The following RIN3 variants were observed in gnomAD, a reference collection of about 807,000 sequenced individuals.
The protein encoded by RIN3 is RAB5 interacting protein 3.
Under a neutral mutation model 76.3 loss-of-function variants are expected in RIN3, and 54 were observed. The observed-to-expected ratio is 0.71, with a 90% CI of 0.57 to 0.89. The LOEUF is 0.89. RIN3 is among the 40% of genes least tolerant of loss of function. The probability of loss-of-function intolerance (pLI) is 0.00; values close to 1 mark genes in which losing one functional copy is unlikely to be tolerated. For synonymous variants in RIN3, 576 were observed against 564.0 expected (o/e 1.02, Z -0.30); for missense variants, 1,256 against 1,322.1 (o/e 0.95, Z 0.78).
intron 1 of RIN3, among the ~76,000 whole-genome samples, chr14:92,553,598 C>G (rs1897495522): frequency 6.6e-6 from 1 of 152,108 alleles, no homozygotes; most frequent in Non-Finnish European, 1.5e-5. Context: ...TCATATTTTC[C>G]TGGTGACCTG....
At chr14:92,615,171 G>T (rs1040004622) in intron 3 of RIN3, among the ~76,000 whole-genome samples, 1 of 152,044 alleles carries the variant, frequency 6.6e-6, no homozygotes, top group Non-Finnish European at 1.5e-5. Context: ...GCTCGAAAAT[G>T]GACTAATACA....
Position 92,659,487 on chromosome 14 carries a change from A to T in RIN3, c.2335+18A>T, listed in dbSNP as rs1595492247. ...CAACCCAGGTCAGTGGGCAGCCGGG[A>T]GGGGTCTGGGTGAGGAGCTCTCTTT... is the stretch of plus-strand genomic sequence containing the variant. On this transcript the variant is annotated intron_variant, in intron 7 of 9. Transcript: ENST00000216487. 3.2e-6 allele frequency: 5 copies of T among 1,579,298 alleles called. No homozygotes were observed. The highest frequency in any genetic ancestry group is 4.3e-6 in the Non-Finnish European group (5 of 1,163,762).
chr14:92,557,241 A>G (rs2140036743), intron 2 of RIN3, among the ~76,000 whole-genome samples: 1 of 152,342 alleles, frequency 6.6e-6, no homozygotes, highest in South Asian at 2.1e-4. Flanking sequence ...AGGTGTTGCC[A>G]CCTTGCCCAT....
chr14:92,678,730 C>A (rs924881861), intron 8 of RIN3, among the ~76,000 whole-genome samples: 2 of 152,188 alleles, frequency 1.3e-5, no homozygotes, highest in Non-Finnish European at 2.9e-5. Context: ...ACCCATTTAT[C>A]CATGCCAAAC....
intron 1 of RIN3, among the ~76,000 whole-genome samples, chr14:92,540,777 G>A (rs974475924): frequency 6.6e-6 from 1 of 152,192 alleles, no homozygotes; most frequent in Non-Finnish European, 1.5e-5. Flanking sequence ...AGCCTGGCTT[G>A]GAAGAGAAGC....
rs923433564 is a variant in RIN3 at position 92,568,446 on chromosome 14, C to T, written c.250-8914C>T. The stretch of plus-strand genomic sequence containing the variant: ...CTAAAATGTTCTTCAGGCATCACTG[C>T]GGCACAGTGATGCTGTTTTTGAGGT... On this transcript the variant is annotated intron_variant, in intron 2 of 9. Transcript: ENST00000216487. The surrounding 1 kb of genome is among the most constrained non-coding windows in gnomAD (Gnocchi z 4.2). Among the ~76,000 whole-genome samples the T allele has an allele frequency of 7.9e-5, 12 of 152,352 alleles. No homozygotes were observed. The highest frequency in any genetic ancestry group is 2.0e-4 in the Admixed American group (3 of 15,310).
Position 92,653,043 on chromosome 14 carries a change from T to A in RIN3, c.1994T>A (p.Val665Glu). ...LLQSTELKALVDPALHSEEEL... is the reference protein window; with the variant it reads ...LLQSTELKALEDPALHSEEEL... ...CAGAGCACCGAGCTCAAGGCCCTGG[T>A]GGACCCCGCCCTGCACTCCGAGGAG... The change falls in exon 6 of 10, where the codon GTG becomes GAG. Residue 665 changes from valine to glutamate, a missense_variant. By Grantham distance (121) the Val-to-Glu change is moderately radical. Coordinates refer to ENST00000216487, the MANE Select transcript of RIN3 (RefSeq NM_024832.5). 1 of 1,608,066 alleles carries A rather than the reference T, an allele frequency of 6.2e-7. No homozygotes were observed. The highest frequency in any genetic ancestry group is 1.1e-5 in the South Asian group (1 of 91,078).
Position 92,665,540 on chromosome 14 carries a change from G to A in RIN3, c.2335+6071G>A, listed in dbSNP as rs535204556. On this transcript the variant is annotated intron_variant, in intron 7 of 9. Coordinates refer to ENST00000216487, the MANE Select transcript of RIN3 (RefSeq NM_024832.5). Reference sequence around the variant, plus strand: ...ACTACAGGTGCCCACCACCATGCCCGGCTAATTTTTTTTCGTATTTTTAGT... The same window carrying A: ...ACTACAGGTGCCCACCACCATGCCCAGCTAATTTTTTTTCGTATTTTTAGT... Among the ~76,000 whole-genome samples, 7 of 151,814 alleles carry A rather than the reference G, an allele frequency of 4.6e-5. No homozygotes were observed. The East Asian group carries it at 7.7e-4, about 17-fold the overall frequency.
In RIN3 at chr14:92,659,378, C is replaced by G; in HGVS notation, c.2244C>G (p.Ser748Arg). 1 of 1,613,374 alleles carries G rather than the reference C, an allele frequency of 6.2e-7. No homozygotes were observed. Among genetic ancestry groups the G allele is most frequent in the East Asian group, 2.2e-5 (1 of 44,886 alleles). The change falls in exon 7 of 10, where the codon AGC (serine) becomes AGG (arginine). Residue 748 changes from serine to arginine, a missense_variant. Transcript: ENST00000216487. ...AGAAGATCCTGCAGAAGTTCACCAG[C>G]ATGCACAAGGCCTACTCACCTGAGA... ...MMEKILQKFT[S>R]MHKAYSPEKK...
chr14:92,560,063 G>A lies in RIN3; in HGVS notation c.249+4108G>A, dbSNP rs767632854. On this transcript the variant is annotated intron_variant, in intron 2 of 9. Transcript: ENST00000216487. ...GCCTGTGGCAAGAGGCAAAGGCCAC[G>A]GGGCTTAGTTCATTTTCAAGGTGAG... 5.3e-5 allele frequency among the ~76,000 whole-genome samples: 8 copies of A among 152,214 alleles called. No homozygotes were observed. The East Asian group carries it at 5.8e-4, about 11-fold the overall frequency.
At chr14:92,556,675 T>C (rs1157131275) in intron 2 of RIN3, among the ~76,000 whole-genome samples, 3 of 152,188 alleles carry the variant, frequency 2.0e-5, no homozygotes, top group Non-Finnish European at 2.9e-5. Flanking sequence ...CATCATATGT[T>C]CCTTTCACCT....
intron 7 of RIN3, among the ~76,000 whole-genome samples, chr14:92,665,828 A>G (rs1888077198): frequency 6.6e-6 from 1 of 151,466 alleles, no homozygotes; most frequent in Non-Finnish European, 1.5e-5. Flanking sequence ...GCCAGATCCC[A>G]ACTGACTTCA....
chr14:92,537,634 C>CTTTTTTTTTTTTCTTTTT (rs1897030481), intron 1 of RIN3, among the ~76,000 whole-genome samples: 1 of 51,628 alleles, frequency 1.9e-5, no homozygotes, highest in Non-Finnish European at 3.4e-5. Context: ...GCCTTAGGGA[C>CTTTTTTTTTTTTCTTTTT]TTTTTTTTTT....
chr14:92,604,980 C>G (rs58531216), intron 3 of RIN3, among the ~76,000 whole-genome samples: 1 of 139,096 alleles, frequency 7.2e-6, no homozygotes. Flanking sequence ...GCAGGCTGGA[C>G]CTCATTGCAA....
At chr14:92,529,435 A>C (rs1214327101) in intron 1 of RIN3, among the ~76,000 whole-genome samples, 1 of 151,994 alleles carries the variant, frequency 6.6e-6, no homozygotes, top group Non-Finnish European at 1.5e-5. Flanking sequence ...TTTTTAGTAG[A>C]GACGGGGTTT....
intron 4 of RIN3, among the ~76,000 whole-genome samples, chr14:92,622,027 C>A (rs1886200813): frequency 6.6e-6 from 1 of 152,212 alleles, no homozygotes; most frequent in African/African-American, 2.4e-5. Context: ...CAAAGGAGGG[C>A]ATCACACATT....
intron 1 of RIN3, among the ~76,000 whole-genome samples, chr14:92,553,589 CAT>C (rs1396626100): frequency 6.6e-6 from 1 of 152,056 alleles, no homozygotes; most frequent in Non-Finnish European, 1.5e-5. Flanking sequence ...CCGGGACACT[CAT>C]ATTTTCCTGG....
intron 3 of RIN3, among the ~76,000 whole-genome samples, chr14:92,605,972 C>G (rs35629566): frequency 0.12 from 18,795 of 151,988 alleles, 1,489 homozygotes; most frequent in Non-Finnish European, 0.18. Flanking sequence ...TTGGATAGCA[C>G]TATTTTATTC....
intron 2 of RIN3, among the ~76,000 whole-genome samples, chr14:92,566,363 C>T (rs892785434): frequency 2.5e-4 from 38 of 152,296 alleles, no homozygotes; most frequent in African/African-American, 7.5e-4. Context: ...CTCACCCATT[C>T]GAAGGCAAGA....
Sources: allele counts gnomAD v4.1 joint callset (sites outside exome capture counted in the v4.1 genomes callset), GRCh38; gene constraint gnomAD v4.1.1; non-coding constraint Gnocchi (gnomAD v3.1); transcripts MANE v1.5; gene names NCBI Gene and HGNC (gene_info 2026-07-23, HGNC 2026-07-21).